TGFB1I1: variants seen among roughly 807,000 people sequenced by gnomAD.
TGFB1I1 encodes transforming growth factor beta-1-induced transcript 1 protein.
A neutral mutation model predicts 52.0 loss-of-function variants in TGFB1I1; 33 were observed. That is an observed-to-expected ratio of 0.63 (90% confidence interval 0.48 to 0.85). The LOEUF (loss-of-function observed/expected upper bound fraction) is 0.85, where lower values mean the gene tolerates loss of function less well. Ranked by LOEUF, TGFB1I1 falls within the 40% of genes least tolerant of loss-of-function variation. The pLI is 0.00. For missense variants in TGFB1I1, 577 were observed against 614.9 expected, an observed-to-expected ratio of 0.94 and a Z score of 0.65; for synonymous variants, 236 against 253.3, an observed-to-expected ratio of 0.93 and a Z score of 0.65.
At position 31,477,155 on chromosome 16, in the gene TGFB1I1, G is replaced by T; in HGVS notation, c.1119+145G>T. On this transcript the variant is annotated intron_variant, in intron 10 of 10. Coordinates refer to ENST00000394863, the MANE Select transcript of TGFB1I1 (RefSeq NM_001042454.3). This position sits in a 1 kb window ranked among gnomAD's most constrained non-coding sequence, Gnocchi z 4.7. ...CACGGGAGGTGCTGCTAGGAACCTC[G>T]GGTGGGGCGAGTTTTCCGGGCAGGG... 1 of 1,419,138 alleles carries T rather than the reference G, an allele frequency of 7.0e-7. No individual in the cohort carries two copies. The allele number at this position is 1,419,138 out of a possible 1,614,324, so 87.9% of individuals were successfully genotyped here. A position where few individuals can be genotyped will look rare whatever the true frequency, so the allele number is the denominator to read the frequency against.
Position 31,476,807 on chromosome 16 carries a change from GT to G in TGFB1I1, c.971-54del. ...CGGCCCCAGATCTCAGGTCTTGTGG[GT>G]CCCCCGTCCCGCCCGCACCCTTTGC... On this transcript the variant is annotated intron_variant, in intron 9 of 10. Coordinates refer to ENST00000394863, the MANE Select transcript of TGFB1I1 (RefSeq NM_001042454.3). The surrounding 1 kb of genome is among the most constrained non-coding windows in gnomAD (Gnocchi z 7.6). 1 of 1,604,258 alleles carries G rather than the reference GT, an allele frequency of 6.2e-7. No homozygotes were observed. Among genetic ancestry groups the G allele is most frequent in the Non-Finnish European group, 8.5e-7 (1 of 1,177,196 alleles).
In TGFB1I1 at chr16:31,476,134, C is replaced by CT; in HGVS notation, c.840dup (p.Glu281Ter). ...GAGCCCCCTTCTGCCCCGAGTGCTA[C>CT]TTTGAGCGCTTCTCGCCAAGATGTG... On this transcript the variant is annotated frameshift_variant, in exon 8 of 11. Coordinates refer to ENST00000394863, the MANE Select transcript of TGFB1I1 (RefSeq NM_001042454.3). LOFTEE classifies it high-confidence loss of function. This position sits in a 1 kb window ranked among gnomAD's most constrained non-coding sequence, Gnocchi z 7.6. 1 of 1,613,830 alleles carries CT rather than the reference C, an allele frequency of 6.2e-7. No individual in the cohort carries two copies. Among genetic ancestry groups the CT allele is most frequent in the Middle Eastern group, 1.7e-4 (1 of 6,038 alleles).
rs1471692866 is a variant in TGFB1I1 at position 31,477,684 on chromosome 16, A to G, written c.*108A>G. The stretch of plus-strand genomic sequence containing the variant: ...CAGAGCGGGAGGCCCCACCCACTGG[A>G]GAGCCCCGCCCCTAAGGTACTATGA... On this transcript the variant is annotated 3_prime_UTR_variant, in exon 11 of 11. Coordinates refer to ENST00000394863, the MANE Select transcript of TGFB1I1 (RefSeq NM_001042454.3). The surrounding 1 kb of genome is among the most constrained non-coding windows in gnomAD (Gnocchi z 4.7). 2.1e-6 allele frequency: 3 copies of G among 1,396,946 alleles called. No homozygotes were observed. The Admixed American group carries it at 7.9e-5, about 37-fold the overall frequency. The allele number at this position is 1,396,946 out of a possible 1,614,324, so 86.5% of individuals were successfully genotyped here.
chr16:31,476,884 C>A lies in TGFB1I1; in HGVS notation c.993C>A (p.Arg331=). Residue 331 remains arginine, a synonymous_variant, in exon 10 of 11, where the codon CGC becomes CGA. Transcript: ENST00000394863. This position sits in a 1 kb window ranked among gnomAD's most constrained non-coding sequence, Gnocchi z 7.6. ...TAGGTTTCCACGAGCGCGAGGGCCGCCCCTACTGCCGCCGGGACTTCCTGC... is the reference window on the plus strand; with the variant it reads ...TAGGTTTCCACGAGCGCGAGGGCCGACCCTACTGCCGCCGGGACTTCCTGC... ...GDEGFHEREG[R]PYCRRDFLQL... 6.2e-7 allele frequency: 1 copy of A among 1,611,336 alleles called. No individual in the cohort carries two copies.
At position 31,477,527 on chromosome 16, in the gene TGFB1I1, G is replaced by T. The variant is rs2082434476; in HGVS notation, c.1337G>T (p.Arg446Leu). 1 of 1,609,522 alleles carries T rather than the reference G, an allele frequency of 6.2e-7. No individual in the cohort carries two copies. Among genetic ancestry groups the T allele is most frequent in the Non-Finnish European group, 8.5e-7 (1 of 1,178,658 alleles). The change falls in exon 11 of 11, where the codon CGC becomes CTC. Residue 446 changes from arginine to leucine, a missense_variant. By Grantham distance (102) the Arg-to-Leu change is moderately radical. Transcript: ENST00000394863. This position sits in a 1 kb window ranked among gnomAD's most constrained non-coding sequence, Gnocchi z 4.7. ...RPLTKGSFQE[R>L]AGKPYCQPCF... ...CTCACCAAGGGGTCCTTCCAGGAGC[G>T]CGCCGGCAAGCCCTACTGCCAGCCC...
In TGFB1I1 at chr16:31,473,754, G is replaced by C; in HGVS notation, c.182+20G>C. The C allele has an allele frequency of 6.3e-7, 1 of 1,578,216 alleles. No individual in the cohort carries two copies. Among genetic ancestry groups the C allele is most frequent in the Non-Finnish European group, 8.6e-7 (1 of 1,162,142 alleles). On this transcript the variant is annotated intron_variant, in intron 3 of 10. Coordinates refer to ENST00000394863, the MANE Select transcript of TGFB1I1 (RefSeq NM_001042454.3). ...GTACAGGTGAGGGGCCTGGAAACCA[G>C]GGCATGGGGGCCAACTGAGTCTCAG...
rs376972598 is a variant in TGFB1I1, at chr16:31,474,442, G to A, written c.506G>A (p.Arg169His). ...CTGATGGCCTCACTCTCTGACTTCCGCGTTCAAAACCATGTGAGTTGGGCA... is the reference window on the plus strand; with the variant it reads ...CTGATGGCCTCACTCTCTGACTTCCACGTTCAAAACCATGTGAGTTGGGCA... ...DRLMASLSDF[R>H]VQNHLPASGP... is the part of the protein sequence containing the mutation. Residue 169 changes from arginine (R) to histidine (H), a missense_variant, in exon 6 of 11, where the codon CGC becomes CAC. Around this residue, in one of 3 missense-constraint regions of TGFB1I1, gnomAD observed 456 missense variants for 461.6 expected, o/e 0.99. Coordinates refer to ENST00000394863, the MANE Select transcript of TGFB1I1 (RefSeq NM_001042454.3). This position sits in a 1 kb window ranked among gnomAD's most constrained non-coding sequence, Gnocchi z 4.2. 4.7e-5 allele frequency: 76 copies of A among 1,614,012 alleles called. No homozygotes were observed. Among genetic ancestry groups the A allele is most frequent in the Non-Finnish European group, 5.8e-5 (69 of 1,180,048 alleles).
chr16:31,474,427 C>T lies in TGFB1I1; in HGVS notation c.491C>T (p.Ser164Leu), dbSNP rs765726712. The T allele has an allele frequency of 6.2e-7, 1 of 1,614,222 alleles. No homozygotes were observed. The highest frequency in any genetic ancestry group is 1.1e-5 in the South Asian group (1 of 91,088). The change falls in exon 6 of 11, where the codon TCA (serine) becomes TTA (leucine). Residue 164 changes from serine to leucine, a missense_variant. Ser to Leu is a moderately radical substitution (Grantham distance 145). Coordinates refer to ENST00000394863, the MANE Select transcript of TGFB1I1 (RefSeq NM_001042454.3). The surrounding 1 kb of genome is among the most constrained non-coding windows in gnomAD (Gnocchi z 4.2). ...ATLELDRLMA[S>L]LSDFRVQNHL... ...CTGGAGCTGGATAGACTGATGGCCTCACTCTCTGACTTCCGCGTTCAAAAC... is the reference window on the plus strand; with the variant it reads ...CTGGAGCTGGATAGACTGATGGCCTTACTCTCTGACTTCCGCGTTCAAAAC...
chr16:31,476,120 T>C lies in TGFB1I1; in HGVS notation c.823T>C (p.Cys275Arg). 6.2e-7 allele frequency: 1 copy of C among 1,613,872 alleles called. No homozygotes were observed. The change falls in exon 8 of 11, where the codon TGC (cysteine) becomes CGC (arginine). Residue 275 changes from cysteine to arginine, a missense_variant. Cys to Arg is a radical substitution (Grantham distance 180). Transcript: ENST00000394863. This position sits in a 1 kb window ranked among gnomAD's most constrained non-coding sequence, Gnocchi z 7.6. ...CTTCGAGAAGGATGGAGCCCCCTTC[T>C]GCCCCGAGTGCTACTTTGAGCGCTT... ...SFFEKDGAPFCPECYFERFSP... is the reference protein window; with the variant it reads ...SFFEKDGAPFRPECYFERFSP...
At chr16:31,472,731 G>A (rs976186876) in intron 1 of TGFB1I1, 1 of 152,800 alleles carries the variant, frequency 6.5e-6, no homozygotes. Context: ...CAGAGACGAA[G>A]ACTGAGGGCA....
chr16:31,474,918 C>T lies in TGFB1I1; in HGVS notation c.714+161C>T, dbSNP rs2082414987. 2.8e-6 allele frequency: 2 copies of T among 722,496 alleles called. No individual in the cohort carries two copies. Among genetic ancestry groups the T allele is most frequent in the Admixed American group, 2.8e-5 (1 of 35,570 alleles). 44.8% of individuals were successfully genotyped at this position (722,496 alleles called of 1,614,324 possible). Reference sequence around the variant, plus strand: ...GAGGAAACTGAAGCTCTGAACCACACAGCAGGTTAGTGGTAGGGTGAAAAT... The same window carrying T: ...GAGGAAACTGAAGCTCTGAACCACATAGCAGGTTAGTGGTAGGGTGAAAAT... On this transcript the variant is annotated intron_variant, in intron 7 of 10. Transcript: ENST00000394863. This position sits in a 1 kb window ranked among gnomAD's most constrained non-coding sequence, Gnocchi z 4.2.
chr16:31,477,187 C>G lies in TGFB1I1; in HGVS notation c.1120-123C>G. 1 of 1,455,552 alleles carries G rather than the reference C, an allele frequency of 6.9e-7. No individual in the cohort carries two copies. Among genetic ancestry groups the G allele is most frequent in the Non-Finnish European group, 9.2e-7 (1 of 1,091,198 alleles). 90.2% of individuals were successfully genotyped at this position (1,455,552 alleles called of 1,614,324 possible). A position where few individuals can be genotyped will look rare whatever the true frequency, so the allele number is the denominator to read the frequency against. On this transcript the variant is annotated intron_variant, in intron 10 of 10. Coordinates refer to ENST00000394863, the MANE Select transcript of TGFB1I1 (RefSeq NM_001042454.3). The surrounding 1 kb of genome is among the most constrained non-coding windows in gnomAD (Gnocchi z 4.7). ...GCGAGTTTTCCGGGCAGGGTCCCACCGGACGGGATTCTTCGCGTCTAGGGC... is the reference window on the plus strand; with the variant it reads ...GCGAGTTTTCCGGGCAGGGTCCCACGGGACGGGATTCTTCGCGTCTAGGGC...
rs927078911 is a variant in TGFB1I1 at position 31,476,759 on chromosome 16, G to A, written c.971-103G>A. 8 of 1,551,264 alleles carry A rather than the reference G, an allele frequency of 5.2e-6. No individual in the cohort carries two copies. The Admixed American group carries it at 1.5e-4, about 29-fold the overall frequency. On this transcript the variant is annotated intron_variant, in intron 9 of 10. Transcript: ENST00000394863. This position sits in a 1 kb window ranked among gnomAD's most constrained non-coding sequence, Gnocchi z 7.6. ...TAGACCCGGCTCCTCCTTCCCCAAGGCTCCCTCGGACTGCCCCTCCTTCGG... is the reference window on the plus strand; with the variant it reads ...TAGACCCGGCTCCTCCTTCCCCAAGACTCCCTCGGACTGCCCCTCCTTCGG...
intron 1 of TGFB1I1, 162 bp downstream of exon 1, chr16:31,472,363 C>A (rs974688408): frequency 3.5e-5 from 42 of 1,211,590 alleles, no homozygotes; most frequent in African/African-American, 6.3e-5. Flanking sequence ...CCTGCCTCTC[C>A]CTTCCTGCCT....
In TGFB1I1 at chr16:31,473,507, G is replaced by C; in HGVS notation, c.80G>C (p.Arg27Pro). ...HMPRSGAPKE[R>P]PAEPLTPPPS... The stretch of plus-strand genomic sequence containing the variant: ...CCAAGGTCAGGGGCTCCCAAAGAGC[G>C]CCCTGCGGAGCCTCTCACCCCTCCC... Residue 27 changes from arginine (R) to proline (P), a missense_variant, in exon 2 of 11, where the codon CGC (arginine) becomes CCC (proline). Arg to Pro is a moderately radical substitution (Grantham distance 103). This residue lies in a region of TGFB1I1 where 113 missense variants were observed against 123.9 expected (regional missense o/e 0.91). Transcript: ENST00000394863. 1 of 1,613,782 alleles carries C rather than the reference G, an allele frequency of 6.2e-7. No homozygotes were observed.
chr16:31,473,283 T>C, intron 1 of TGFB1I1, 158 bp from the exon 2 acceptor site: 1 of 1,426,392 alleles, frequency 7.0e-7, no homozygotes, highest in Non-Finnish European at 9.1e-7. Flanking sequence ...TCATAAATAT[T>C]CCTTGCTACC....
rs759648402 is a variant in TGFB1I1 at position 31,477,055 on chromosome 16, C to G, written c.1119+45C>G. 4.7e-6 allele frequency: 7 copies of G among 1,492,082 alleles called. No homozygotes were observed. The African/African-American group carries it at 1.1e-4, about 23-fold the overall frequency. The allele number at this position is 1,492,082 out of a possible 1,614,324, so 92.4% of individuals were successfully genotyped here. ...GCGTTGGAGGGGCGGGTCAAGGGTA[C>G]AGGGCTGTGGGGCGGGGCCTTGGAG... On this transcript the variant is annotated intron_variant, in intron 10 of 10. Transcript: ENST00000394863. This position sits in a 1 kb window ranked among gnomAD's most constrained non-coding sequence, Gnocchi z 4.7.
chr16:31,474,343 T>C lies in TGFB1I1; in HGVS notation c.414-7T>C. On this transcript the variant is annotated splice_region_variant and splice_polypyrimidine_tract_variant and intron_variant, in intron 5 of 10. Transcript: ENST00000394863. The surrounding 1 kb of genome is among the most constrained non-coding windows in gnomAD (Gnocchi z 4.2). ...GCTCTGAGATGACACAAGCATGTTCTTCACAGCCCTTCCAGCCCGTCTCCT... is the reference window on the plus strand; with the variant it reads ...GCTCTGAGATGACACAAGCATGTTCCTCACAGCCCTTCCAGCCCGTCTCCT... 1 of 1,614,170 alleles carries C rather than the reference T, an allele frequency of 6.2e-7. No homozygotes were observed. The highest frequency in any genetic ancestry group is 2.2e-5 in the East Asian group (1 of 44,890).
In TGFB1I1 at chr16:31,476,841, C is replaced by T; in HGVS notation, c.971-21C>T. The T allele has an allele frequency of 6.8e-6, 11 of 1,611,694 alleles. No individual in the cohort carries two copies. The highest frequency in any genetic ancestry group is 9.3e-6 in the Non-Finnish European group (11 of 1,179,804). On this transcript the variant is annotated intron_variant, in intron 9 of 10. Transcript: ENST00000394863. The surrounding 1 kb of genome is among the most constrained non-coding windows in gnomAD (Gnocchi z 7.6). ...CCCGCCCGCACCCTTTGCTTTCAGC[C>T]CACTCGGTTCCCTCTCCTAGGTTTC...
Sources: gnomAD v4.1 joint callset for allele counts on GRCh38, gnomAD v4.1.1 for gene constraint, gnomAD v4.1.1 regional missense constraint, Gnocchi (gnomAD v3.1) non-coding constraint, MANE v1.5 for transcripts, NCBI Gene and HGNC (gene_info 2026-07-23, HGNC 2026-07-21) for gene names.